GRM8: variants seen among roughly 807,000 people sequenced by gnomAD.
The protein encoded by GRM8 is glutamate metabotropic receptor 8.
GRM8 carries 47 observed loss-of-function variants against 87.2 expected under a neutral mutation model. The ratio of observed to expected loss-of-function variants is 0.54; its 90% CI spans 0.43 to 0.69. GRM8 has a LOEUF of 0.69. GRM8 is among the 30% of genes least tolerant of loss of function. The pLI, the probability that GRM8 is intolerant of heterozygous loss-of-function variation, is 0.00. For missense variants in GRM8, 1,019 were observed against 1,139.2 expected (o/e 0.89, Z 1.52); for synonymous variants, 396 against 404.5 (o/e 0.98, Z 0.25).
chr7:126,959,393 G>C (rs1352200568), intron 3 of GRM8, among the ~76,000 whole-genome samples: 1 of 152,212 alleles, frequency 6.6e-6, no homozygotes, highest in African/African-American at 2.4e-5. Context: ...TTTGGCAGCA[G>C]TGAACTTGAG....
intron 6 of GRM8, among the ~76,000 whole-genome samples, chr7:126,859,671 T>C (rs751122563): frequency 2.0e-5 from 3 of 152,312 alleles, no homozygotes; most frequent in African/African-American, 4.8e-5. Context: ...GAAATGCATA[T>C]ACGTAAAGAT....
chr7:126,664,092 A>G (rs1322563243), intron 7 of GRM8, among the ~76,000 whole-genome samples: 1 of 152,184 alleles, frequency 6.6e-6, no homozygotes, highest in East Asian at 1.9e-4. Flanking sequence ...TAGGAGGTGA[A>G]ATATCTCTAA....
chr7:126,775,366 A>G (rs1196826954), intron 6 of GRM8, among the ~76,000 whole-genome samples: 3 of 151,916 alleles, frequency 2.0e-5, no homozygotes, highest in Non-Finnish European at 4.4e-5. Context: ...GCTTTTCCCA[A>G]TGTGACACAG....
intron 3 of GRM8, among the ~76,000 whole-genome samples, chr7:126,957,558 C>T (rs532601282): frequency 2.0e-5 from 3 of 152,304 alleles, no homozygotes; most frequent in South Asian, 2.1e-4. Flanking sequence ...CTCCCAGCAC[C>T]GGCTCGAGTG....
At chr7:126,513,671 T>C (rs1362391765) in intron 9 of GRM8, among the ~76,000 whole-genome samples, 1 of 152,140 alleles carries the variant, frequency 6.6e-6, no homozygotes, top group Non-Finnish European at 1.5e-5. Flanking sequence ...TCCTTACTTT[T>C]ATACTTAGGT....
At chr7:126,848,164 G>T (rs148640893) in intron 6 of GRM8, among the ~76,000 whole-genome samples, 3 of 152,126 alleles carry the variant, frequency 2.0e-5, no homozygotes, top group Non-Finnish European at 4.4e-5. Context: ...TAATAAAGAC[G>T]GGAAGAGGAA....
intron 3 of GRM8, among the ~76,000 whole-genome samples, chr7:126,929,867 A>AG (rs58250531): frequency 6.6e-6 from 1 of 151,690 alleles, no homozygotes; most frequent in Non-Finnish European, 1.5e-5. Flanking sequence ...GTACTCATAC[A>AG]AGATTTAAAA....
rs578103273 is a variant in GRM8 at position 126,555,995 on chromosome 7, G to A, written c.1495-22108C>T. Among the ~76,000 whole-genome samples the A allele has an allele frequency of 1.6e-4, 24 of 152,110 alleles. No individual in the cohort carries two copies. The East Asian group carries it at 4.6e-3, about 29-fold the overall frequency. ...CACCAAAAACATCCAGTTGAAATGT[G>A]AACATATTCCCAACTCTGAAAAACC... On this transcript the variant is annotated intron_variant, in intron 8 of 10. Coordinates refer to ENST00000339582, the MANE Select transcript of GRM8 (RefSeq NM_000845.3).
intron 9 of GRM8, among the ~76,000 whole-genome samples, chr7:126,503,633 A>G (rs1809970872): frequency 6.6e-6 from 1 of 152,086 alleles, no homozygotes; most frequent in African/African-American, 2.4e-5. Context: ...CTTCAGAAAT[A>G]TGCATTATAT....
At chr7:126,922,350 T>A (rs572489646) in intron 3 of GRM8, among the ~76,000 whole-genome samples, 1 of 152,242 alleles carries the variant, frequency 6.6e-6, no homozygotes, top group South Asian at 2.1e-4. Flanking sequence ...CATACGCACA[T>A]CCATGTGCAA....
At chr7:127,186,989 A>G (rs996708163) in intron 2 of GRM8, among the ~76,000 whole-genome samples, 7 of 152,204 alleles carry the variant, frequency 4.6e-5, no homozygotes, top group Non-Finnish European at 1.0e-4. Flanking sequence ...AGTTGGAGTT[A>G]TATGAACTCA....
rs1253482634 is a variant in GRM8 at position 126,785,928 on chromosome 7, T to C, written c.1157-15863A>G. Among the ~76,000 whole-genome samples, 3 of 152,282 alleles carry C rather than the reference T, an allele frequency of 2.0e-5. No individual in the cohort carries two copies. The East Asian group carries it at 5.8e-4, about 29-fold the overall frequency. ...GACACAATCTTATATGATATATAAC[T>C]ATGATCTCCTTGTGTCTAAACCCAA... On this transcript the variant is annotated intron_variant, in intron 6 of 10. Transcript: ENST00000339582.
At chr7:126,452,761 C>A (rs548648855) in intron 9 of GRM8, among the ~76,000 whole-genome samples, 2 of 151,670 alleles carry the variant, frequency 1.3e-5, no homozygotes, top group Non-Finnish European at 2.9e-5. Flanking sequence ...CAAAGTCAGT[C>A]GTTTTCACTT....
chr7:126,525,050 C>T (rs1228220662), intron 9 of GRM8, among the ~76,000 whole-genome samples: 1 of 151,824 alleles, frequency 6.6e-6, no homozygotes, highest in Non-Finnish European at 1.5e-5. Flanking sequence ...TGCAGTTAAT[C>T]CTGCCATCCT....
intron 6 of GRM8, among the ~76,000 whole-genome samples, chr7:126,836,727 C>T (rs1795853584): frequency 6.6e-6 from 1 of 152,176 alleles, no homozygotes; most frequent in Non-Finnish European, 1.5e-5. Flanking sequence ...TATTTTCTTT[C>T]AGAGTATGCT....
intron 1 of GRM8, among the ~76,000 whole-genome samples, chr7:127,247,948 A>C (rs920068164): frequency 3.3e-5 from 5 of 152,224 alleles, no homozygotes; most frequent in Non-Finnish European, 5.9e-5. Context: ...CTCATATTTT[A>C]AAAAATCTGA....
At chr7:126,456,480 G>C (rs1038881131) in intron 9 of GRM8, among the ~76,000 whole-genome samples, 1 of 122,318 alleles carries the variant, frequency 8.2e-6, no homozygotes, top group Non-Finnish European at 1.6e-5. Flanking sequence ...TTTTTCCCTT[G>C]AGACTTTGCT....
chr7:127,161,596 G>A (rs560496044), intron 2 of GRM8, among the ~76,000 whole-genome samples: 2 of 152,286 alleles, frequency 1.3e-5, no homozygotes, highest in East Asian at 1.9e-4. Flanking sequence ...GTACAGTAGA[G>A]CTGCTGAAGC....
chr7:126,440,641 C>T (rs6976644), intron 10 of GRM8, among the ~76,000 whole-genome samples: 45,858 of 151,806 alleles, frequency 0.3, 7,212 homozygotes, highest in Middle Eastern at 0.41. Context: ...TGCATTACAA[C>T]TGTGTACACA....
Sources: gnomAD v4.1 joint callset for allele counts (sites outside exome capture counted in the v4.1 genomes callset) on GRCh38, gnomAD v4.1.1 for gene constraint, MANE v1.5 for transcripts, NCBI Gene and HGNC (gene_info 2026-07-23, HGNC 2026-07-21) for gene names.